HR: variants seen among roughly 807,000 people sequenced by gnomAD.
The protein encoded by HR is HR lysine demethylase and nuclear receptor corepressor, also known as lysine-specific demethylase hairless.
In HR, 83 loss-of-function variants were observed where a neutral mutation model predicts 128.6. That is an observed-to-expected ratio of 0.65 (90% CI 0.54 to 0.77). HR has a LOEUF of 0.77. Among genes scored for constraint, HR ranks in the 30% least tolerant of loss-of-function variants. HR has a pLI of 0.00. For missense variants in HR, 1,490 were observed against 1,574.6 expected (o/e 0.95, Z 0.91); for synonymous variants, 681 against 658.2 (o/e 1.03, Z -0.53).
Position 22,121,654 on chromosome 8 carries a change from G to A in HR, c.2162C>T (p.Ser721Phe), listed in dbSNP as rs1432739213. 1.1e-5 allele frequency: 18 copies of A among 1,614,196 alleles called. No homozygotes were observed. The highest frequency in any genetic ancestry group is 1.5e-5 in the Non-Finnish European group (18 of 1,180,036). Reference sequence around the variant, plus strand: ...GGTCCTGTGGGTGTCGCCATTGCAGGAAGGTTGTGGAGTTGGGGGCGTTTT... The same window carrying A: ...GGTCCTGTGGGTGTCGCCATTGCAGAAAGGTTGTGGAGTTGGGGGCGTTTT... ...TQKTPPTPQP[S>F]CNGDTHRTKS... Residue 721 changes from serine (S) to phenylalanine (F), a missense_variant, in exon 9 of 19, where the codon TCC becomes TTC. Ser to Phe is a radical substitution (Grantham distance 155). Transcript: ENST00000381418.
Position 22,127,412 on chromosome 8 carries a change from A to C in HR, c.1030T>G (p.Cys344Gly). Residue 344 changes from cysteine (C) to glycine (G), a missense_variant, in exon 3 of 19, where the codon TGC becomes GGC. Cys to Gly is a radical substitution (Grantham distance 159). This residue lies in a region of HR where 1,060 missense variants were observed against 1,060.9 expected (regional missense o/e 1.00). Coordinates refer to ENST00000381418, the MANE Select transcript of HR (RefSeq NM_005144.5). Reference sequence around the variant, plus strand: ...GCACCCCCCTCCAGGCCCTCCTGGCACTTCCCACAAGGGCCAAGACCCCCA... The same window carrying C: ...GCACCCCCCTCCAGGCCCTCCTGGCCCTTCCCACAAGGGCCAAGACCCCCA... ...KGGGLGPCGK[C>G]QEGLEGGASG... 1 of 1,613,140 alleles carries C rather than the reference A, an allele frequency of 6.2e-7. No individual in the cohort carries two copies.
In HR at chr8:22,116,725, C is replaced by G; in HGVS notation, c.3378+150G>C. ...GCTCAGTGACTTCAAGGCCTCTTGGCTCCCCCGTTATCTCTTCCCCACAGC... is the reference window on the plus strand; with the variant it reads ...GCTCAGTGACTTCAAGGCCTCTTGGGTCCCCCGTTATCTCTTCCCCACAGC... On this transcript the variant is annotated intron_variant, in intron 17 of 18. Coordinates refer to ENST00000381418, the MANE Select transcript of HR (RefSeq NM_005144.5). The surrounding 1 kb of genome is among the most constrained non-coding windows in gnomAD (Gnocchi z 4.2). The G allele has an allele frequency of 8.4e-7, 1 of 1,194,186 alleles. No individual in the cohort carries two copies. The allele number at this position is 1,194,186 out of a possible 1,614,324, so 74.0% of individuals were successfully genotyped here.
At chr8:22,126,944 A>T (rs1469042931) in intron 3 of HR, 93 bp downstream of exon 3, 4 of 1,285,646 alleles carry the variant, frequency 3.1e-6, no homozygotes, top group Non-Finnish European at 4.3e-6. Context: ...GTTGTGGTCC[A>T]CTCATAAAGC....
At chr8:22,119,122 T>G (rs1826668574) in intron 15 of HR, 42 bp downstream of exon 15, 2 of 1,613,420 alleles carry the variant, frequency 1.2e-6, no homozygotes, top group African/African-American at 2.7e-5. Flanking sequence ...AACACTCACC[T>G]CTGTAGCTTG....
chr8:22,121,590 G>C, intron 9 of HR, 23 bp downstream of exon 9: 1 of 1,611,868 alleles, frequency 6.2e-7, no homozygotes, highest in Non-Finnish European at 8.5e-7. Context: ...TGCACAGGCC[G>C]AGGGGCAAGA....
intron 1 of HR, 100 bp downstream of exon 1, chr8:22,130,328 C>T (rs768767028): frequency 6.6e-6 from 1 of 152,268 alleles, no homozygotes; most frequent in Non-Finnish European, 1.5e-5. Context: ...GTGGCCCAGC[C>T]CACAGGGGCA....
chr8:22,116,924 A>G lies in HR; in HGVS notation c.3329T>C (p.Leu1110Pro). 1 of 1,552,266 alleles carries G rather than the reference A, an allele frequency of 6.4e-7. No homozygotes were observed. Among genetic ancestry groups the G allele is most frequent in the South Asian group, 1.2e-5 (1 of 84,996 alleles). ...CAGCACGGCCTCTCCGGGGGCCTGG[A>G]GCAGGGTCCAGCAGCTCACGCCCCA... is the stretch of plus-strand genomic sequence containing the variant. ...EEWGVSCWTL[L>P]QAPGEAVLVP... is the part of the protein sequence containing the mutation. The change falls in exon 17 of 19, where the codon CTC becomes CCC. Residue 1110 changes from leucine (L) to proline (P), a missense_variant. By Grantham distance (98) the Leu-to-Pro change is moderately conservative. Transcript: ENST00000381418. The surrounding 1 kb of genome is among the most constrained non-coding windows in gnomAD (Gnocchi z 4.2).
At chr8:22,119,720 C>G (rs750416916) in intron 14 of HR, 40 bp downstream of exon 14, 1 of 1,577,406 alleles carries the variant, frequency 6.3e-7, no homozygotes, top group Non-Finnish European at 8.6e-7. Flanking sequence ...GGCAGACAGG[C>G]ATGGGAGTAG....
At chr8:22,123,617 T>TGGGGGGGCCCCCC in intron 6 of HR, 32 bp downstream of exon 6, 19 of 292,088 alleles carry the variant, frequency 6.5e-5, no homozygotes, top group Non-Finnish European at 8.7e-5. Context: ...GAGGGCTCCA[T>TGGGGGGGCCCCCC]CCCGCCCTCC....
chr8:22,128,587 A>G lies in HR; in HGVS notation c.584T>C (p.Val195Ala). The G allele has an allele frequency of 6.2e-7, 1 of 1,610,452 alleles. No homozygotes were observed. The highest frequency in any genetic ancestry group is 8.5e-7 in the Non-Finnish European group (1 of 1,179,084). The part of the protein sequence containing the change: ...PWVYSGGQPK[V>A]PSAFSLGSKG... ...GCTGCCTAAGCTGAAGGCAGAGGGC[A>G]CTTTGGGCTGGCCCCCGGAGTATAC... Residue 195 changes from valine (V) to alanine (A), a missense_variant, in exon 2 of 19, where the codon GTG becomes GCG. Physicochemically the swap from Val to Ala is moderately conservative, Grantham distance 64. Coordinates refer to ENST00000381418, the MANE Select transcript of HR (RefSeq NM_005144.5).
Position 22,127,118 on chromosome 8 carries a change from C to T in HR, c.1324G>A (p.Gly442Arg). The T allele has an allele frequency of 3.1e-6, 5 of 1,611,492 alleles. No individual in the cohort carries two copies. Among genetic ancestry groups the T allele is most frequent in the Non-Finnish European group, 4.2e-6 (5 of 1,178,980 alleles). ...PDPFPGTAEQ[G>R]AGGWQEVRDT... is the part of the protein sequence containing the mutation. The stretch of plus-strand genomic sequence containing the variant: ...CGCACCTCCTGCCAACCCCCAGCCC[C>T]CTGTTCTGCAGTGCCTGGAAAAGGG... Residue 442 changes from glycine to arginine, a missense_variant, in exon 3 of 19, where the codon GGG becomes AGG. Gly to Arg is a moderately radical substitution (Grantham distance 125). Coordinates refer to ENST00000381418, the MANE Select transcript of HR (RefSeq NM_005144.5).
chr8:22,121,015 C>A (rs745641192), intron 10 of HR, 50 bp downstream of exon 10: 46 of 1,612,702 alleles, frequency 2.9e-5, no homozygotes, highest in Non-Finnish European at 3.8e-5. Flanking sequence ...GAGGGCAGGC[C>A]CAGCCTCTGG....
Position 22,121,227 on chromosome 8 carries a change from C to T in HR, c.2205G>A (p.Glu735=). The T allele has an allele frequency of 1.9e-6, 3 of 1,613,678 alleles. No individual in the cohort carries two copies. Among genetic ancestry groups the T allele is most frequent in the Non-Finnish European group, 2.5e-6 (3 of 1,179,952 alleles). ...CTGGGGTCTCAGCGGAATCGGGGGT[C>T]TCTGTCAGGGAGGAAGATGGTGGGG... The part of the protein sequence containing the change: ...DTHRTKSIKE[E]TPDSAETPAE... Residue 735 remains glutamate (E), a splice_region_variant and synonymous_variant, in exon 10 of 19, where the codon GAG becomes GAA. Coordinates refer to ENST00000381418, the MANE Select transcript of HR (RefSeq NM_005144.5).
chr8:22,124,080 A>ACC (rs766794205), intron 5 of HR, among the ~76,000 whole-genome samples: 358 of 152,212 alleles, frequency 2.4e-3, no homozygotes, highest in Non-Finnish European at 4.4e-3. Context: ...CCTGCCCCAC[A>ACC]CCCAGCTCTG....
In HR at chr8:22,130,854, C is replaced by G. The variant is rs941306775; in HGVS notation, c.-467G>C. 6.6e-6 allele frequency: 1 copy of G among 152,220 alleles called. No individual in the cohort carries two copies. The highest frequency in any genetic ancestry group is 2.1e-4 in the South Asian group (1 of 4,838). 9.4% of individuals were successfully genotyped at this position (152,220 alleles called of 1,614,324 possible). On this transcript the variant is annotated 5_prime_UTR_variant, in exon 1 of 19. Coordinates refer to ENST00000381418, the MANE Select transcript of HR (RefSeq NM_005144.5). Reference sequence around the variant, plus strand: ...CCGAGTTGGGGGAAAGGCCGAGGGGCCGGGGAAGGGGGTCGTGCCTGGATG... The same window carrying G: ...CCGAGTTGGGGGAAAGGCCGAGGGGGCGGGGAAGGGGGTCGTGCCTGGATG...
At position 22,127,616 on chromosome 8, in the gene HR, A is replaced by G. The variant is rs944387514; in HGVS notation, c.826T>C (p.Trp276Arg). ...GGGGGACAAGCGGGCCAGGAGGTCC[A>G]GGGCACAGTGTCTGGCTGCCCCAGG... Reference protein sequence around the residue: ...LFLGQPDTVPWTSWPACPPGL... With the variant: ...LFLGQPDTVPRTSWPACPPGL... The change falls in exon 3 of 19, where the codon TGG becomes CGG. Residue 276 changes from tryptophan to arginine, a missense_variant. This residue lies in a region of HR where 1,060 missense variants were observed against 1,060.9 expected (regional missense o/e 1.00). Coordinates refer to ENST00000381418, the MANE Select transcript of HR (RefSeq NM_005144.5). 3 of 1,611,152 alleles carry G rather than the reference A, an allele frequency of 1.9e-6. No individual in the cohort carries two copies. Among genetic ancestry groups the G allele is most frequent in the Admixed American group, 3.3e-5 (2 of 60,018 alleles).
At position 22,119,179 on chromosome 8, in the gene HR, G is replaced by A. The variant is rs1281505434; in HGVS notation, c.3082C>T (p.His1028Tyr). ...GAGGACCTACCTTTCTGTGCCCGGT[G>A]CCAGGCAGGCAGTGGTGTGTCGGCA... is the stretch of plus-strand genomic sequence containing the variant. ...VHADTPLPAWHRAQKDFLSGL... is the reference protein window; with the variant it reads ...VHADTPLPAWYRAQKDFLSGL... The change falls in exon 15 of 19, where the codon CAC (histidine) becomes TAC (tyrosine). Residue 1028 changes from histidine to tyrosine, a missense_variant. By Grantham distance (83) the His-to-Tyr change is moderately conservative. Around this residue, in one of 3 missense-constraint regions of HR, gnomAD observed 423 missense variants for 495.9 expected, o/e 0.85. Coordinates refer to ENST00000381418, the MANE Select transcript of HR (RefSeq NM_005144.5). 2 of 1,613,862 alleles carry A rather than the reference G, an allele frequency of 1.2e-6. No homozygotes were observed. Among genetic ancestry groups the A allele is most frequent in the Non-Finnish European group, 1.7e-6 (2 of 1,180,018 alleles).
chr8:22,115,577 T>G lies in HR; in HGVS notation c.*123A>C. On this transcript the variant is annotated 3_prime_UTR_variant, in exon 19 of 19. Coordinates refer to ENST00000381418, the MANE Select transcript of HR (RefSeq NM_005144.5). ...CAGAGTGCCCTGCTTGTGCCCAGAGTGGTGCTTGTGGGGTTGACCAGAAAT... is the reference window on the plus strand; with the variant it reads ...CAGAGTGCCCTGCTTGTGCCCAGAGGGGTGCTTGTGGGGTTGACCAGAAAT... 1 of 824,660 alleles carries G rather than the reference T, an allele frequency of 1.2e-6. No individual in the cohort carries two copies. 51.1% of individuals were successfully genotyped at this position (824,660 alleles called of 1,614,324 possible).
At position 22,116,832 on chromosome 8, in the gene HR, C is replaced by T. The variant is rs764617599; in HGVS notation, c.3378+43G>A. 1 of 1,551,162 alleles carries T rather than the reference C, an allele frequency of 6.4e-7. No homozygotes were observed. Among genetic ancestry groups the T allele is most frequent in the South Asian group, 1.2e-5 (1 of 84,664 alleles). On this transcript the variant is annotated intron_variant, in intron 17 of 18. Transcript: ENST00000381418. The surrounding 1 kb of genome is among the most constrained non-coding windows in gnomAD (Gnocchi z 4.2). ...TGCGGCCTTGATTGGGTCGCTTCTG[C>T]CATCCTGATCTCCCCGCAGAGCCCC... is the stretch of plus-strand genomic sequence containing the variant.
Sources: gnomAD v4.1 joint callset for allele counts (sites outside exome capture counted in the v4.1 genomes callset) on GRCh38, gnomAD v4.1.1 for gene constraint, gnomAD v4.1.1 regional missense constraint, Gnocchi (gnomAD v3.1) non-coding constraint, MANE v1.5 for transcripts, NCBI Gene and HGNC (gene_info 2026-07-23, HGNC 2026-07-21) for gene names.